The following SLC8A1 variants were observed in gnomAD, a reference collection of about 807,000 sequenced individuals.
The protein encoded by SLC8A1 is solute carrier family 8 member A1.
Under a neutral mutation model 68.3 loss-of-function variants are expected in SLC8A1, and 18 were observed. That is an observed-to-expected ratio of 0.26 (90% CI 0.18 to 0.39). SLC8A1 has a LOEUF of 0.39. Among genes scored for constraint, SLC8A1 ranks in the 10% least tolerant of loss-of-function variants. The probability of loss-of-function intolerance (pLI) is 1.00; values close to 1 mark genes in which losing one functional copy is unlikely to be tolerated. For synonymous variants in SLC8A1, 475 were observed against 415.5 expected (o/e 1.14, Z -1.74); for missense variants, 985 against 1,156.7 (o/e 0.85, Z 2.15).
chr2:40,110,564 T>G (rs1409528784), exon 8 of SLC8A1: 1 of 152,166 alleles, frequency 6.6e-6, no homozygotes, highest in Non-Finnish European at 1.5e-5. Context: ...TTTGCTCAGT[T>G]TTACCAACTG....
chr2:40,215,750 T>C (rs950397771), intron 2 of SLC8A1, among the ~76,000 whole-genome samples: 32 of 151,950 alleles, frequency 2.1e-4, no homozygotes, highest in African/African-American at 7.7e-4. Context: ...CCTGTATCAA[T>C]GTAGTGTTGG....
At chr2:40,442,397 C>CAAAAAAAAAAAAAAAAAA (rs550977492) in intron 1 of SLC8A1, among the ~76,000 whole-genome samples, 1 of 75,742 alleles carries the variant, frequency 1.3e-5, no homozygotes, top group Non-Finnish European at 2.7e-5. Context: ...CTTAAATTTA[C>CAAAAAAAAAAAAAAAAAA]AAAAAAAAAA....
At position 40,191,818 on chromosome 2, in the gene SLC8A1, G is replaced by T. The variant is rs565707561; in HGVS notation, c.1809-13963C>A. Reference sequence around the variant, plus strand: ...TAGTTCAGTTAGGGCTCAAAAAAGCGAATCTTCACCCCTATTTCAGCTTTT... The same window carrying T: ...TAGTTCAGTTAGGGCTCAAAAAAGCTAATCTTCACCCCTATTTCAGCTTTT... On this transcript the variant is annotated intron_variant, in intron 2 of 7. Coordinates refer to ENST00000406785, the Ensembl canonical transcript of SLC8A1. 3.3e-5 allele frequency among the ~76,000 whole-genome samples: 5 copies of T among 152,206 alleles called. No homozygotes were observed. In the East Asian group the frequency reaches 9.6e-4, roughly 29 times the overall value.
At chr2:40,164,415 T>C (rs535546124) in intron 5 of SLC8A1, among the ~76,000 whole-genome samples, 12 of 152,342 alleles carry the variant, frequency 7.9e-5, no homozygotes, top group Middle Eastern at 3.4e-3. Flanking sequence ...GGATGTTCCA[T>C]AGGGAGATAT....
At chr2:40,367,439 C>T (rs2149495529) in intron 2 of SLC8A1, among the ~76,000 whole-genome samples, 1 of 152,066 alleles carries the variant, frequency 6.6e-6, no homozygotes, top group South Asian at 2.1e-4. Context: ...TCCCTTTTTT[C>T]CCCGACTGAG....
chr2:40,130,087 A>T (rs773769959), intron 7 of SLC8A1, among the ~76,000 whole-genome samples: 1 of 152,214 alleles, frequency 6.6e-6, no homozygotes, highest in Non-Finnish European at 1.5e-5. Flanking sequence ...AGAAATAAGG[A>T]GTATGACTAC....
chr2:40,438,038 G>A (rs1254689758), intron 1 of SLC8A1, among the ~76,000 whole-genome samples: 4 of 152,046 alleles, frequency 2.6e-5, no homozygotes, highest in African/African-American at 9.7e-5. Flanking sequence ...CCAGGTTAAC[G>A]TACCTTGAGT....
At chr2:40,235,933 G>A (rs1293466034) in intron 2 of SLC8A1, among the ~76,000 whole-genome samples, 1 of 151,834 alleles carries the variant, frequency 6.6e-6, no homozygotes, top group South Asian at 2.1e-4. Flanking sequence ...TTAATCCTGA[G>A]TTCTAGTTTG....
Position 40,165,498 on chromosome 2 carries a change from T to A in SLC8A1, c.1931-514A>T, listed in dbSNP as rs1221534650. ...GGAACAGGAAATTCTGACTTTAGCC[T>A]CTCTCTTGCCAAGAGACCCTATTGC... On this transcript the variant is annotated intron_variant, in intron 4 of 7. Coordinates refer to ENST00000406785, the Ensembl canonical transcript of SLC8A1. Among the ~76,000 whole-genome samples the A allele has an allele frequency of 2.0e-5, 3 of 152,290 alleles. No individual in the cohort carries two copies. In the East Asian group the frequency reaches 5.8e-4, roughly 29 times the overall value.
At chr2:40,251,127 G>A (rs549301311) in intron 2 of SLC8A1, 3 of 151,912 alleles carry the variant, frequency 2.0e-5, no homozygotes, top group South Asian at 2.1e-4. Flanking sequence ...GGGATATTGC[G>A]AAAATACTAA....
At chr2:40,315,332 G>A (rs1036467601) in intron 2 of SLC8A1, among the ~76,000 whole-genome samples, 2 of 151,460 alleles carry the variant, frequency 1.3e-5, no homozygotes, top group African/African-American at 4.8e-5. Context: ...TATTAATGCT[G>A]AATTGCAAAA....
chr2:40,469,570 A>G (rs1052256574), intron 1 of SLC8A1, among the ~76,000 whole-genome samples: 7 of 152,042 alleles, frequency 4.6e-5, no homozygotes, highest in African/African-American at 1.7e-4. Context: ...AATGTTTATA[A>G]ATACCACTCC....
intron 7 of SLC8A1, among the ~76,000 whole-genome samples, chr2:40,128,730 G>A (rs1329995891): frequency 2.0e-5 from 3 of 152,164 alleles, no homozygotes; most frequent in Non-Finnish European, 4.4e-5. Context: ...TTTTAAAAAG[G>A]TGGACAAATC....
At chr2:40,409,673 G>T (rs1268064308) in intron 2 of SLC8A1, among the ~76,000 whole-genome samples, 1 of 152,114 alleles carries the variant, frequency 6.6e-6, no homozygotes, top group Non-Finnish European at 1.5e-5. Flanking sequence ...AGGAATAAGA[G>T]CAATAGCATG....
At chr2:40,315,690 T>G (rs899714771) in intron 2 of SLC8A1, among the ~76,000 whole-genome samples, 11 of 152,028 alleles carry the variant, frequency 7.2e-5, no homozygotes, top group African/African-American at 2.4e-4. Context: ...AATCAAACCT[T>G]CAGGAATATT....
At chr2:40,376,345 T>G (rs543708962) in intron 2 of SLC8A1, among the ~76,000 whole-genome samples, 1 of 152,126 alleles carries the variant, frequency 6.6e-6, no homozygotes, top group East Asian at 1.9e-4. Context: ...GGATTAGAGA[T>G]AGACAGTAGC....
At chr2:40,111,674 T>A (rs2034559437) in exon 8 of SLC8A1, 1 of 152,190 alleles carries the variant, frequency 6.6e-6, no homozygotes, top group African/African-American at 2.4e-5. Context: ...CTGTTTTGAC[T>A]ATATGATATA....
At chr2:40,303,536 A>G (rs1452636582) in intron 2 of SLC8A1, among the ~76,000 whole-genome samples, 14 of 152,112 alleles carry the variant, frequency 9.2e-5, no homozygotes, top group Admixed American at 9.2e-4. Flanking sequence ...GACCATCTCA[A>G]ATTTGGGGAA....
intron 2 of SLC8A1, among the ~76,000 whole-genome samples, chr2:40,423,677 G>C (rs1391945455): frequency 6.6e-6 from 1 of 151,848 alleles, no homozygotes; most frequent in Non-Finnish European, 1.5e-5. Context: ...ATTAGTGCTG[G>C]AAAAATAAGA....
Sources: allele counts gnomAD v4.1 joint callset (sites outside exome capture counted in the v4.1 genomes callset), GRCh38; gene constraint gnomAD v4.1.1; transcripts MANE v1.5; gene names NCBI Gene and HGNC (gene_info 2026-07-23, HGNC 2026-07-21).